Variants in CADPS2 observed in about 807,000 individuals in gnomAD.
The protein encoded by CADPS2 is calcium dependent secretion activator 2, also known as calcium-dependent secretion activator 2.
In CADPS2, 93 loss-of-function variants were observed where a neutral mutation model predicts 172.5. The ratio of observed to expected loss-of-function variants is 0.54; its 90% confidence interval spans 0.46 to 0.64. CADPS2 has a LOEUF of 0.64. Among genes scored for constraint, CADPS2 ranks in the 30% least tolerant of loss-of-function variants. The pLI, the probability that CADPS2 is intolerant of heterozygous loss-of-function variation, is 0.00. For missense variants in CADPS2, 1,420 were observed against 1,565.9 expected, an observed-to-expected ratio of 0.91 and a Z score of 1.57; for synonymous variants, 546 against 555.2, an observed-to-expected ratio of 0.98 and a Z score of 0.23.
At chr7:122,409,898 C>T (rs975165763) in intron 19 of CADPS2, among the ~76,000 whole-genome samples, 1 of 152,182 alleles carries the variant, frequency 6.6e-6, no homozygotes, top group Non-Finnish European at 1.5e-5. Flanking sequence ...GGGTACTAAA[C>T]AGAAGTCATG....
chr7:122,416,087 G>A lies in CADPS2; in HGVS notation c.2554C>T (p.Gln852Ter). 1.9e-6 allele frequency: 3 copies of A among 1,543,598 alleles called. No individual in the cohort carries two copies. The highest frequency in any genetic ancestry group is 2.6e-6 in the Non-Finnish European group (3 of 1,139,074). ...HLAELCIEVL[Q>*]QNEEHHAEGR... Reference sequence around the variant, plus strand: ...TCTGCATGATGCTCTTCATTCTGCTGTAAGACTTCTATGCAGAGCTCTGCC... The same window carrying A: ...TCTGCATGATGCTCTTCATTCTGCTATAAGACTTCTATGCAGAGCTCTGCC... The change falls in exon 18 of 30, where the codon CAG becomes TAG. Residue 852 changes from glutamine to a stop codon, truncating the protein, a stop_gained. Transcript: ENST00000449022. LOFTEE classifies it high-confidence loss of function.
intron 6 of CADPS2, among the ~76,000 whole-genome samples, chr7:122,596,412 C>T (rs1287153445): frequency 6.6e-6 from 1 of 151,984 alleles, no homozygotes; most frequent in Non-Finnish European, 1.5e-5. Flanking sequence ...TGTCCAGAAT[C>T]TGAAAGGATA....
At chr7:122,766,050 G>A (rs543825875) in intron 1 of CADPS2, among the ~76,000 whole-genome samples, 6 of 152,090 alleles carry the variant, frequency 3.9e-5, no homozygotes, top group Non-Finnish European at 8.8e-5. Flanking sequence ...ACCCCTTCTG[G>A]TGAGGGTCTC....
At chr7:122,411,504 G>A (rs2047314065) in intron 19 of CADPS2, among the ~76,000 whole-genome samples, 1 of 152,096 alleles carries the variant, frequency 6.6e-6, no homozygotes, top group African/African-American at 2.4e-5. Flanking sequence ...ACAGGTGTGA[G>A]CCACCGCACC....
intron 2 of CADPS2, among the ~76,000 whole-genome samples, chr7:122,692,283 T>A (rs1039101539): frequency 6.6e-6 from 1 of 151,682 alleles, no homozygotes; most frequent in African/African-American, 2.4e-5. Flanking sequence ...GGGGGGAGGG[T>A]CCCTAGGCTC....
At chr7:122,539,181 T>G (rs2062644435) in intron 8 of CADPS2, among the ~76,000 whole-genome samples, 1 of 152,076 alleles carries the variant, frequency 6.6e-6, no homozygotes, top group Admixed American at 6.6e-5. Context: ...TGTTGAGAAG[T>G]GGGACCTTTA....
chr7:122,703,753 A>G (rs1297587002), intron 2 of CADPS2, among the ~76,000 whole-genome samples: 1 of 152,122 alleles, frequency 6.6e-6, no homozygotes, highest in Non-Finnish European at 1.5e-5. Flanking sequence ...GAATAACAAG[A>G]GAATGAGCTT....
intron 6 of CADPS2, among the ~76,000 whole-genome samples, chr7:122,593,581 G>C (rs2071254228): frequency 6.6e-6 from 1 of 152,086 alleles, no homozygotes; most frequent in African/African-American, 2.4e-5. Context: ...AAAGTGCACA[G>C]AGAATGTTCG....
chr7:122,645,064 G>T (rs1033477654), intron 3 of CADPS2, among the ~76,000 whole-genome samples: 1 of 151,566 alleles, frequency 6.6e-6, no homozygotes, highest in Admixed American at 6.6e-5. Flanking sequence ...TATGTGAACT[G>T]AACTAAACTA....
At chr7:122,530,118 T>C (rs1357235743) in intron 8 of CADPS2, among the ~76,000 whole-genome samples, 2 of 152,048 alleles carry the variant, frequency 1.3e-5, no homozygotes, top group Non-Finnish European at 2.9e-5. Flanking sequence ...TTATAAAAGG[T>C]AAAGATAAAT....
At chr7:122,392,486 T>A (rs1563220698) in intron 22 of CADPS2, among the ~76,000 whole-genome samples, 2 of 152,066 alleles carry the variant, frequency 1.3e-5, no homozygotes, top group Non-Finnish European at 2.9e-5. Context: ...GGATTTACAA[T>A]TAATAAGCTA....
At position 122,435,969 on chromosome 7, in the gene CADPS2, A is replaced by C. The variant is rs1036702154; in HGVS notation, c.2476+2372T>G. On this transcript the variant is annotated intron_variant, in intron 17 of 29. Transcript: ENST00000449022. ...ACAGTCACTGCTAGGGGCTGGGAGA[A>C]GAGAACATGAAGCGGTATTATTCAC... Among the ~76,000 whole-genome samples the C allele has an allele frequency of 2.0e-5, 3 of 152,152 alleles. No individual in the cohort carries two copies. The South Asian group carries it at 6.2e-4, about 31-fold the overall frequency.
intron 27 of CADPS2, among the ~76,000 whole-genome samples, chr7:122,347,812 C>T (rs1239833254): frequency 6.6e-6 from 1 of 152,166 alleles, no homozygotes; most frequent in Non-Finnish European, 1.5e-5. Context: ...AAGATTACTA[C>T]TATTAATACT....
At chr7:122,643,910 G>A (rs2077987754) in intron 3 of CADPS2, among the ~76,000 whole-genome samples, 1 of 152,046 alleles carries the variant, frequency 6.6e-6, no homozygotes, top group African/African-American at 2.4e-5. Context: ...GGGCAACATG[G>A]CAAAACCCCT....
At chr7:122,789,358 G>A (rs1373750760) in intron 1 of CADPS2, among the ~76,000 whole-genome samples, 2 of 152,058 alleles carry the variant, frequency 1.3e-5, no homozygotes, top group African/African-American at 2.4e-5. Flanking sequence ...CCTTTAACTG[G>A]TTCGTTTACC....
chr7:122,465,703 C>A (rs139787495), intron 14 of CADPS2, among the ~76,000 whole-genome samples: 1 of 152,114 alleles, frequency 6.6e-6, no homozygotes, highest in Non-Finnish European at 1.5e-5. Flanking sequence ...GTCGCTGGTG[C>A]CAAAAAGGTT....
At chr7:122,328,968 C>T (rs1274313709) in intron 28 of CADPS2, among the ~76,000 whole-genome samples, 1 of 152,130 alleles carries the variant, frequency 6.6e-6, no homozygotes, top group Non-Finnish European at 1.5e-5. Flanking sequence ...TTAGAGCAAG[C>T]AACAAGCTGA....
intron 8 of CADPS2, among the ~76,000 whole-genome samples, chr7:122,532,377 T>C (rs989413313): frequency 6.6e-6 from 1 of 152,222 alleles, no homozygotes; most frequent in Non-Finnish European, 1.5e-5. Context: ...AACATATTAA[T>C]AAGCTAATTG....
chr7:122,514,684 G>A (rs891512856), intron 8 of CADPS2, among the ~76,000 whole-genome samples: 2 of 152,140 alleles, frequency 1.3e-5, no homozygotes, highest in Admixed American at 6.6e-5. Flanking sequence ...GGTGTATGCT[G>A]TAGGGATACA....
Sources: allele counts gnomAD v4.1 joint callset (sites outside exome capture counted in the v4.1 genomes callset), GRCh38; gene constraint gnomAD v4.1.1; transcripts MANE v1.5; gene names NCBI Gene and HGNC (gene_info 2026-07-23, HGNC 2026-07-21).